The following CYP8B1 variants were observed in gnomAD, a reference collection of about 807,000 sequenced individuals.
CYP8B1 encodes 7-alpha-hydroxycholest-4-en-3-one 12-alpha-hydroxylase.
For missense variants in CYP8B1, 594 were observed against 643.7 expected (o/e 0.92, Z 0.84); for synonymous variants, 221 against 251.2 (o/e 0.88, Z 1.14).
Position 42,874,454 on chromosome 3 carries a change from G to C in CYP8B1, c.1363C>G (p.Leu455Val). 1 of 1,614,134 alleles carries C rather than the reference G, an allele frequency of 6.2e-7. No individual in the cohort carries two copies. Reference sequence around the variant, plus strand: ...AAGTCAAAGTGTGTGACCATAAGCAGGATAAAGAGCTTCACCTCACTGAGT... The same window carrying C: ...AAGTCAAAGTGTGTGACCATAAGCACGATAAAGAGCTTCACCTCACTGAGT... Reference protein sequence around the residue: ...FALSEVKLFILLMVTHFDLEL... With the variant: ...FALSEVKLFIVLMVTHFDLEL... The change falls in exon 1 of 1, where the codon CTG becomes GTG. Residue 455 changes from leucine to valine, a missense_variant. Physicochemically the swap from Leu to Val is conservative, Grantham distance 32 (BLOSUM62 1). Coordinates refer to ENST00000316161, the MANE Select transcript of CYP8B1 (RefSeq NM_004391.3).
chr3:42,875,112 G>T lies in CYP8B1; in HGVS notation c.705C>A (p.Leu235=). The T allele has an allele frequency of 6.2e-7, 1 of 1,613,448 alleles. No individual in the cohort carries two copies. Among genetic ancestry groups the T allele is most frequent in the Non-Finnish European group, 8.5e-7 (1 of 1,179,962 alleles). Reference sequence around the variant, plus strand: ...GGCTCACGGAGAGCATCTTGTGAAAGAGACGCTGGAGTCGGCCCACTTCTA... The same window carrying T: ...GGCTCACGGAGAGCATCTTGTGAAATAGACGCTGGAGTCGGCCCACTTCTA... The part of the protein sequence containing the change: ...EWLEVGRLQR[L]FHKMLSVSHS... The change falls in exon 1 of 1, where the codon CTC becomes CTA. Residue 235 remains leucine, a synonymous_variant. Transcript: ENST00000316161.
Position 42,874,372 on chromosome 3 carries a change from A to G in CYP8B1, c.1445T>C (p.Phe482Ser), listed in dbSNP as rs761111073. The G allele has an allele frequency of 3.7e-5, 60 of 1,614,146 alleles. No individual in the cohort carries two copies. The highest frequency in any genetic ancestry group is 5.1e-5 in the Non-Finnish European group (60 of 1,180,002). Residue 482 changes from phenylalanine (F) to serine (S), a missense_variant, in exon 1 of 1, where the codon TTT becomes TCT. By Grantham distance (155) the Phe-to-Ser change is radical. Transcript: ENST00000316161. ...ATCGTGGCTGGGCTGCATGGTGCCA[A>G]AACCCCAGCGCTGCGGGTCAACATG... ...LPHVDPQRWG[F>S]GTMQPSHDVR...
At position 42,872,696 on chromosome 3, in the gene CYP8B1, C is replaced by G. The variant is rs1262532477; in HGVS notation, c.*1615G>C. On this transcript the variant is annotated 3_prime_UTR_variant, in exon 1 of 1. Coordinates refer to ENST00000316161, the MANE Select transcript of CYP8B1 (RefSeq NM_004391.3). ...CAGTGTAGAAGAGAAACGCAGAGAT[C>G]ACAGGTATAAGAATGACAGTAGGAG... 1 of 151,900 alleles carries G rather than the reference C, an allele frequency of 6.6e-6. No homozygotes were observed. The highest frequency in any genetic ancestry group is 2.4e-5 in the African/African-American group (1 of 41,282). The allele number at this position is 151,900 out of a possible 1,614,324, so 9.4% of individuals were successfully genotyped here.
At position 42,873,370 on chromosome 3, in the gene CYP8B1, T is replaced by A. The variant is rs1030981444; in HGVS notation, c.*941A>T. On this transcript the variant is annotated 3_prime_UTR_variant, in exon 1 of 1. Coordinates refer to ENST00000316161, the MANE Select transcript of CYP8B1 (RefSeq NM_004391.3). ...TCTCAAAAAAAAAAAAAGGTATCAT[T>A]TCTCTAGACCTGTGCTATCCAATAG... The A allele has an allele frequency of 6.6e-6, 1 of 151,328 alleles. No individual in the cohort carries two copies. Among genetic ancestry groups the A allele is most frequent in the African/African-American group, 2.4e-5 (1 of 41,120 alleles). 9.4% of individuals were successfully genotyped at this position (151,328 alleles called of 1,614,324 possible).
rs565692815 is a variant in CYP8B1, at chr3:42,875,072, C to G, written c.745G>C (p.Glu249Gln). 9.3e-6 allele frequency: 15 copies of G among 1,613,924 alleles called. No homozygotes were observed. In the Admixed American group the frequency reaches 2.3e-4, roughly 25 times the overall value. Residue 249 changes from glutamate to glutamine, a missense_variant, in exon 1 of 1, where the codon GAG becomes CAG. Transcript: ENST00000316161. ...MLSVSHSQEKEGISNWLGNML... is the reference protein window; with the variant it reads ...MLSVSHSQEKQGISNWLGNML... The stretch of plus-strand genomic sequence containing the variant: ...TTGCCCAGCCAGTTGCTGATGCCCT[C>G]CTTCTCCTGGCTGTGGCTCACGGAG...
At position 42,874,485 on chromosome 3, in the gene CYP8B1, G is replaced by A. The variant is rs2088498678; in HGVS notation, c.1332C>T (p.Phe444=). Residue 444 remains phenylalanine (F), a synonymous_variant, in exon 1 of 1, where the codon TTC becomes TTT. Transcript: ENST00000316161. ...GSGVSICPGR[F]FALSEVKLFI... is the part of the protein sequence containing the mutation. ...AGAGCTTCACCTCACTGAGTGCAAAGAACCTCCCAGGGCAGATGGAAACGC... is the reference window on the plus strand; with the variant it reads ...AGAGCTTCACCTCACTGAGTGCAAAAAACCTCCCAGGGCAGATGGAAACGC... 1 of 1,614,126 alleles carries A rather than the reference G, an allele frequency of 6.2e-7. No individual in the cohort carries two copies. Among genetic ancestry groups the A allele is most frequent in the Non-Finnish European group, 8.5e-7 (1 of 1,180,026 alleles).
At position 42,874,232 on chromosome 3, in the gene CYP8B1, T is replaced by G; in HGVS notation, c.*79A>C. 7.3e-7 allele frequency: 1 copy of G among 1,360,786 alleles called. No individual in the cohort carries two copies. The highest frequency in any genetic ancestry group is 1.0e-6 in the Non-Finnish European group (1 of 988,332). The allele number at this position is 1,360,786 out of a possible 1,614,324, so 84.3% of individuals were successfully genotyped here. A position where few individuals can be genotyped will look rare whatever the true frequency, so the allele number is the denominator to read the frequency against. ...GAGGGAGGGGTGGCCAGTGGGGTCT[T>G]GGGGCTGCAGAGGGGTGAGAACAGG... On this transcript the variant is annotated 3_prime_UTR_variant, in exon 1 of 1. Coordinates refer to ENST00000316161, the MANE Select transcript of CYP8B1 (RefSeq NM_004391.3).
At position 42,875,502 on chromosome 3, in the gene CYP8B1, T is replaced by C. The variant is rs755447366; in HGVS notation, c.315A>G (p.Lys105=). The C allele has an allele frequency of 6.5e-7, 1 of 1,550,284 alleles. No individual in the cohort carries two copies. Among genetic ancestry groups the C allele is most frequent in the Non-Finnish European group, 8.7e-7 (1 of 1,146,192 alleles). Residue 105 remains lysine (K), a synonymous_variant, in exon 1 of 1, where the codon AAA becomes AAG. Transcript: ENST00000316161. ...GGTATCCAAATACCTTCAGCACCAG[T>C]TTTTTTGCATATTGCCCAAAGTCTA... ...RKLDFGQYAK[K]LVLKVFGYRS... is the part of the protein sequence containing the mutation.
chr3:42,874,416 G>C lies in CYP8B1; in HGVS notation c.1401C>G (p.Asp467Glu), dbSNP rs758049663. The part of the protein sequence containing the change: ...MVTHFDLELV[D>E]PDTPLPHVDP... ...CAACATGGGGTAGTGGTGTGTCAGG[G>C]TCCACCAACTCTAAGTCAAAGTGTG... The change falls in exon 1 of 1, where the codon GAC (aspartate) becomes GAG (glutamate). Residue 467 changes from aspartate to glutamate, a missense_variant. Asp to Glu is a conservative substitution (Grantham distance 45, BLOSUM62 2). Coordinates refer to ENST00000316161, the MANE Select transcript of CYP8B1 (RefSeq NM_004391.3). The C allele has an allele frequency of 6.2e-7, 1 of 1,614,108 alleles. No individual in the cohort carries two copies. The highest frequency in any genetic ancestry group is 8.5e-7 in the Non-Finnish European group (1 of 1,180,024).
chr3:42,872,692 A>G lies in CYP8B1; in HGVS notation c.*1619T>C, dbSNP rs1363145719. ...GCAGCAGTGTAGAAGAGAAACGCAGAGATCACAGGTATAAGAATGACAGTA... is the reference window on the plus strand; with the variant it reads ...GCAGCAGTGTAGAAGAGAAACGCAGGGATCACAGGTATAAGAATGACAGTA... On this transcript the variant is annotated 3_prime_UTR_variant, in exon 1 of 1. Coordinates refer to ENST00000316161, the MANE Select transcript of CYP8B1 (RefSeq NM_004391.3). 1 of 152,230 alleles carries G rather than the reference A, an allele frequency of 6.6e-6. No homozygotes were observed. The allele number at this position is 152,230 out of a possible 1,614,324, so 9.4% of individuals were successfully genotyped here. A position where few individuals can be genotyped will look rare whatever the true frequency, so the allele number is the denominator to read the frequency against.
chr3:42,875,462 C>T lies in CYP8B1; in HGVS notation c.355G>A (p.Asp119Asn), dbSNP rs544310665. 3.7e-5 allele frequency: 59 copies of T among 1,595,536 alleles called. No individual in the cohort carries two copies. In the South Asian group the frequency reaches 5.2e-4, roughly 14 times the overall value. Reference sequence around the variant, plus strand: ...CTGGCTGAGTGTATCATCTCATGGTCCCCTTGCACTGAACGGTATCCAAAT... The same window carrying T: ...CTGGCTGAGTGTATCATCTCATGGTTCCCTTGCACTGAACGGTATCCAAAT... Reference protein sequence around the residue: ...KVFGYRSVQGDHEMIHSASTK... With the variant: ...KVFGYRSVQGNHEMIHSASTK... The change falls in exon 1 of 1, where the codon GAC becomes AAC. Residue 119 changes from aspartate (D) to asparagine (N), a missense_variant. Physicochemically the swap from Asp to Asn is conservative, Grantham distance 23. Coordinates refer to ENST00000316161, the MANE Select transcript of CYP8B1 (RefSeq NM_004391.3).
chr3:42,875,036 A>C lies in CYP8B1; in HGVS notation c.781T>G (p.Phe261Val), dbSNP rs763617781. The change falls in exon 1 of 1, where the codon TTT (phenylalanine) becomes GTT (valine). Residue 261 changes from phenylalanine to valine, a missense_variant. By Grantham distance (50) the Phe-to-Val change is conservative (BLOSUM62 -1). Coordinates refer to ENST00000316161, the MANE Select transcript of CYP8B1 (RefSeq NM_004391.3). ...ISNWLGNMLQ[F>V]LREQGVPSAM... ...GAGGGTACCCCCTGCTCCCTCAGAA[A>C]CTGAAGCATGTTGCCCAGCCAGTTG... The C allele has an allele frequency of 1.1e-5, 17 of 1,613,900 alleles. No individual in the cohort carries two copies. In the South Asian group the frequency reaches 1.9e-4, roughly 18 times the overall value.
rs1407277637 is a variant in CYP8B1 at position 42,872,807 on chromosome 3, G to A, written c.*1504C>T. 6.6e-6 allele frequency: 1 copy of A among 152,520 alleles called. No individual in the cohort carries two copies. The highest frequency in any genetic ancestry group is 2.4e-5 in the African/African-American group (1 of 41,388). 9.4% of individuals were successfully genotyped at this position (152,520 alleles called of 1,614,324 possible). On this transcript the variant is annotated 3_prime_UTR_variant, in exon 1 of 1. Coordinates refer to ENST00000316161, the MANE Select transcript of CYP8B1 (RefSeq NM_004391.3). The stretch of plus-strand genomic sequence containing the variant: ...CTGCTTGTATGAAGGTGAAAGAGGA[G>A]GAGGGAGAGTGTCTCTGGGAGATGG...
rs1024236540 is a variant in CYP8B1 at position 42,875,666 on chromosome 3, T to G, written c.151A>C (p.Lys51Gln). 4.0e-6 allele frequency: 6 copies of G among 1,491,298 alleles called. No homozygotes were observed. The highest frequency in any genetic ancestry group is 5.4e-6 in the Non-Finnish European group (6 of 1,121,474). The allele number at this position is 1,491,298 out of a possible 1,614,324, so 92.4% of individuals were successfully genotyped here. A position where few individuals can be genotyped will look rare whatever the true frequency, so the allele number is the denominator to read the frequency against. The change falls in exon 1 of 1, where the codon AAG becomes CAG. Residue 51 changes from lysine (K) to glutamine (Q), a missense_variant. Physicochemically the swap from Lys to Gln is moderately conservative, Grantham distance 53 (BLOSUM62 1). Transcript: ENST00000316161. The part of the protein sequence containing the change: ...PWLGHAMAFR[K>Q]NMFEFLKRMR... ...CGCTTCAGAAATTCAAACATATTCT[T>G]CCGGAAAGCCATGGCATGGCCAAGC... is the stretch of plus-strand genomic sequence containing the variant.
Position 42,875,847 on chromosome 3 carries a change from A to C in CYP8B1, c.-31T>G, listed in dbSNP as rs2125631264. ...TGCTCCTGCGGATTAAGCTCTCGAC[A>C]CGCACACTGTTCCCTGGGTGCCAGA... On this transcript the variant is annotated 5_prime_UTR_variant, in exon 1 of 1. Coordinates refer to ENST00000316161, the MANE Select transcript of CYP8B1 (RefSeq NM_004391.3). 1 of 1,334,176 alleles carries C rather than the reference A, an allele frequency of 7.5e-7. No individual in the cohort carries two copies. The highest frequency in any genetic ancestry group is 3.0e-5 in the Admixed American group (1 of 33,782). The allele number at this position is 1,334,176 out of a possible 1,614,324, so 82.6% of individuals were successfully genotyped here.
Position 42,874,927 on chromosome 3 carries a change from T to C in CYP8B1, c.890A>G (p.Tyr297Cys). Residue 297 changes from tyrosine to cysteine, a missense_variant, in exon 1 of 1, where the codon TAC becomes TGC. Physicochemically the swap from Tyr to Cys is radical, Grantham distance 194 (BLOSUM62 -2). Coordinates refer to ENST00000316161, the MANE Select transcript of CYP8B1 (RefSeq NM_004391.3). ...AATAGCTTCTGGGTGCTTCAGGAGG[T>C]ACAAGAGGGCCCAGAAAGAGGTAGG... ...TGPTSFWALLYLLKHPEAIRA... is the reference protein window; with the variant it reads ...TGPTSFWALLCLLKHPEAIRA... 1 of 1,609,396 alleles carries C rather than the reference T, an allele frequency of 6.2e-7. No homozygotes were observed. Among genetic ancestry groups the C allele is most frequent in the Non-Finnish European group, 8.5e-7 (1 of 1,177,280 alleles).
rs1029648851 is a variant in CYP8B1 at position 42,873,631 on chromosome 3, A to G, written c.*680T>C. The G allele has an allele frequency of 3.3e-5, 5 of 152,202 alleles. No homozygotes were observed. Among genetic ancestry groups the G allele is most frequent in the African/African-American group, 1.2e-4 (5 of 41,452 alleles). The allele number at this position is 152,202 out of a possible 1,614,324, so 9.4% of individuals were successfully genotyped here. On this transcript the variant is annotated 3_prime_UTR_variant, in exon 1 of 1. Coordinates refer to ENST00000316161, the MANE Select transcript of CYP8B1 (RefSeq NM_004391.3). ...AATTGTTTCATTTTACTTTTTAAAA[A>G]TGTGTTTACCAGGAAACTAAATTAG...
Position 42,874,706 on chromosome 3 carries a change from C to T in CYP8B1, c.1111G>A (p.Gly371Arg), listed in dbSNP as rs534733049. 1.4e-5 allele frequency: 23 copies of T among 1,613,572 alleles called. No individual in the cohort carries two copies. Among genetic ancestry groups the T allele is most frequent in the Non-Finnish European group, 1.9e-5 (22 of 1,179,894 alleles). Residue 371 changes from glycine to arginine, a missense_variant, in exon 1 of 1, where the codon GGG (glycine) becomes AGG (arginine). By Grantham distance (125) the Gly-to-Arg change is moderately radical (BLOSUM62 -2). Transcript: ENST00000316161. ...CCATGGCGGAACAGATACTCCTGCC[C>T]ACTGGACATCTTCAGGGTATAGTCT... Reference protein sequence around the residue: ...HEDYTLKMSSGQEYLFRHGDI... With the variant: ...HEDYTLKMSSRQEYLFRHGDI...
chr3:42,875,477 G>C lies in CYP8B1; in HGVS notation c.340C>G (p.Arg114Gly). 1.9e-6 allele frequency: 3 copies of C among 1,576,120 alleles called. No individual in the cohort carries two copies. Among genetic ancestry groups the C allele is most frequent in the Non-Finnish European group, 2.6e-6 (3 of 1,158,894 alleles). ...KKLVLKVFGYRSVQGDHEMIH... is the reference protein window; with the variant it reads ...KKLVLKVFGYGSVQGDHEMIH... ...ATCTCATGGTCCCCTTGCACTGAAC[G>C]GTATCCAAATACCTTCAGCACCAGT... Residue 114 changes from arginine (R) to glycine (G), a missense_variant, in exon 1 of 1, where the codon CGT (arginine) becomes GGT (glycine). By Grantham distance (125) the Arg-to-Gly change is moderately radical (BLOSUM62 -2). Coordinates refer to ENST00000316161, the MANE Select transcript of CYP8B1 (RefSeq NM_004391.3).
Sources: gnomAD v4.1 joint callset for allele counts on GRCh38, gnomAD v4.1.1 for gene constraint, MANE v1.5 for transcripts, NCBI Gene and HGNC (gene_info 2026-07-23, HGNC 2026-07-21) for gene names.